The following ZNF208 variants were observed in gnomAD, a reference collection of about 807,000 sequenced individuals.
ZNF208 encodes zinc finger protein 208.
ZNF208 carries 10 observed loss-of-function variants against 12.1 expected under a neutral mutation model. The observed-to-expected ratio is 0.83, with a 90% CI of 0.51 to 1.40. ZNF208 has a LOEUF of 1.40. ZNF208 is among the 40% of genes most tolerant of loss of function. The probability of loss-of-function intolerance (pLI) is 0.00; values close to 1 mark genes in which losing one functional copy is unlikely to be tolerated. For missense variants in ZNF208, 1,652 were observed against 1,485.0 expected, an observed-to-expected ratio of 1.11 and a Z score of -1.85; for synonymous variants, 497 against 488.4, an observed-to-expected ratio of 1.02 and a Z score of -0.23.
rs1970246430 is a variant in ZNF208, at chr19:21,969,834, A to T, written c.*1357T>A. ...TGAAAGATCTAGTGACAGTGATTGCACTTTTAATACTTTTATTTAGTATGA... is the reference window on the plus strand; with the variant it reads ...TGAAAGATCTAGTGACAGTGATTGCTCTTTTAATACTTTTATTTAGTATGA... On this transcript the variant is annotated 3_prime_UTR_variant, in exon 4 of 4. Transcript: ENST00000397126. 6.6e-6 allele frequency among the ~76,000 whole-genome samples: 1 copy of T among 152,154 alleles called. No individual in the cohort carries two copies. The highest frequency in any genetic ancestry group is 1.5e-5 in the Non-Finnish European group (1 of 68,022).
chr19:21,980,231 T>C (rs2145558861), intron 3 of ZNF208, among the ~76,000 whole-genome samples: 1 of 152,230 alleles, frequency 6.6e-6, no homozygotes, highest in South Asian at 2.1e-4. Flanking sequence ...GCAAACCAAA[T>C]AGACATCTAC....
At chr19:21,942,196 A>G (rs924184594) in intron 4 of ZNF208, among the ~76,000 whole-genome samples, 7 of 152,168 alleles carry the variant, frequency 4.6e-5, no homozygotes, top group African/African-American at 1.4e-4. Flanking sequence ...ATAGACTTAA[A>G]TAATTTCTTG....
At position 22,010,910 on chromosome 19, in the gene ZNF208, G is replaced by C; in HGVS notation, c.-116C>G. On this transcript the variant is annotated 5_prime_UTR_variant, in exon 1 of 4. Transcript: ENST00000397126. Reference sequence around the variant, plus strand: ...AGAGGACACACAGCAGTAAGGACGAGACCTTGACCTCCGGCTGCAGCGAGA... The same window carrying C: ...AGAGGACACACAGCAGTAAGGACGACACCTTGACCTCCGGCTGCAGCGAGA... The C allele has an allele frequency of 6.8e-7, 1 of 1,464,854 alleles. No individual in the cohort carries two copies. Among genetic ancestry groups the C allele is most frequent in the East Asian group, 2.3e-5 (1 of 44,062 alleles). The allele number at this position is 1,464,854 out of a possible 1,614,324, so 90.7% of individuals were successfully genotyped here. A position where few individuals can be genotyped will look rare whatever the true frequency, so the allele number is the denominator to read the frequency against.
Position 21,974,086 on chromosome 19 carries a change from T to C in ZNF208, c.948A>G (p.Lys316=), listed in dbSNP as rs1469234360. 2 of 1,539,946 alleles carry C rather than the reference T, an allele frequency of 1.3e-6. No individual in the cohort carries two copies. Among genetic ancestry groups the C allele is most frequent in the Non-Finnish European group, 1.8e-6 (2 of 1,141,006 alleles). The part of the protein sequence containing the change: ...IHAGEKPYKC[K]ECGKAFSKVS... Reference sequence around the variant, plus strand: ...CCTTACTGAAGGCTTTGCCACATTCTTTACATTTGTAGGGCTTCTCTCCAG... The same window carrying C: ...CCTTACTGAAGGCTTTGCCACATTCCTTACATTTGTAGGGCTTCTCTCCAG... The change falls in exon 4 of 4, where the codon AAA becomes AAG. Residue 316 remains lysine, a synonymous_variant. Transcript: ENST00000397126.
At chr19:21,976,139 T>C (rs1171116507) in intron 3 of ZNF208, among the ~76,000 whole-genome samples, 15 of 152,294 alleles carry the variant, frequency 9.8e-5, no homozygotes, top group Admixed American at 9.2e-4. Flanking sequence ...TTCTCTAACA[T>C]TTAAGAGATA....
intron 1 of ZNF208, chr19:21,998,683 C>G (rs2078235): frequency 9.2e-5 from 14 of 151,922 alleles, no homozygotes; most frequent in Non-Finnish European, 1.5e-4. Flanking sequence ...TGATCCACCC[C>G]CCTTGGCCTC....
In ZNF208 at chr19:21,970,754, G is replaced by C. The variant is rs1354473657; in HGVS notation, c.*437C>G. 1.5e-6 allele frequency: 2 copies of C among 1,350,692 alleles called. No homozygotes were observed. Among genetic ancestry groups the C allele is most frequent in the Non-Finnish European group, 2.1e-6 (2 of 950,020 alleles). 83.7% of individuals were successfully genotyped at this position (1,350,692 alleles called of 1,614,324 possible). Reference sequence around the variant, plus strand: ...GGGTTGGGAACTGTTTAAAAGCTTTGCCAAATTCTTCACATTTTTAGAATT... The same window carrying C: ...GGGTTGGGAACTGTTTAAAAGCTTTCCCAAATTCTTCACATTTTTAGAATT... On this transcript the variant is annotated 3_prime_UTR_variant, in exon 4 of 4. Transcript: ENST00000397126.
chr19:21,940,281 A>G (rs1381584276), intron 4 of ZNF208: 1 of 152,204 alleles, frequency 6.6e-6, no homozygotes, highest in Non-Finnish European at 1.5e-5. Context: ...TGGTCAAGCT[A>G]TGCAAACCAA....
intron 3 of ZNF208, among the ~76,000 whole-genome samples, chr19:21,980,503 A>G (rs751140285): frequency 7.9e-5 from 12 of 152,124 alleles, no homozygotes; most frequent in Non-Finnish European, 1.8e-4. Context: ...CAGAAATAAA[A>G]AAGTTCTTTG....
intron 1 of ZNF208, among the ~76,000 whole-genome samples, chr19:21,989,162 G>A (rs1315036187): frequency 6.6e-6 from 1 of 150,870 alleles, no homozygotes; most frequent in Non-Finnish European, 1.5e-5. Flanking sequence ...ATGTATACAT[G>A]TGCCATCCTG....
intron 1 of ZNF208, among the ~76,000 whole-genome samples, chr19:22,010,317 A>G (rs140539213): frequency 1.6e-3 from 239 of 152,350 alleles, no homozygotes; most frequent in African/African-American, 5.4e-3. Flanking sequence ...ACCATTAACT[A>G]CAACCCATAG....
chr19:22,009,653 A>G (rs1971106197), intron 1 of ZNF208: 1 of 151,640 alleles, frequency 6.6e-6, no homozygotes, highest in South Asian at 2.1e-4. Flanking sequence ...AGTCTGAGGC[A>G]GGAGAATCAT....
Position 21,969,053 on chromosome 19 carries a change from G to A in ZNF208, c.*2138C>T, listed in dbSNP as rs137942945. ...CAAAAAATTAGCTGGGAGTGGCGGC[G>A]GGCGCCTGTAGTCCCAGCTAATTGG... is the stretch of plus-strand genomic sequence containing the variant. On this transcript the variant is annotated 3_prime_UTR_variant, in exon 4 of 4. Coordinates refer to ENST00000397126, the MANE Select transcript of ZNF208 (RefSeq NM_007153.3). Among the ~76,000 whole-genome samples the A allele has an allele frequency of 0.025, 3,835 of 152,132 alleles. 72 individuals carry two copies. Among genetic ancestry groups the A allele is most frequent in the Non-Finnish European group, 0.039 (2,658 of 67,986 alleles).
chr19:21,948,668 C>G (rs1367732358), intron 4 of ZNF208, among the ~76,000 whole-genome samples: 2 of 152,106 alleles, frequency 1.3e-5, no homozygotes, highest in African/African-American at 4.8e-5. Flanking sequence ...CTCTAATGAC[C>G]CTGATACATA....
intron 1 of ZNF208, among the ~76,000 whole-genome samples, chr19:22,006,368 T>TA (rs1346720177): frequency 1.3e-5 from 2 of 150,184 alleles, no homozygotes; most frequent in African/African-American, 2.4e-5. Context: ...TGGAATTCAA[T>TA]TTTTTTTTTA....
chr19:21,988,044 AG>A (rs778623178), intron 2 of ZNF208, among the ~76,000 whole-genome samples: 1 of 152,162 alleles, frequency 6.6e-6, no homozygotes, highest in Non-Finnish European at 1.5e-5. Flanking sequence ...CTAAATATTT[AG>A]AAAATTCTCT....
At chr19:21,989,203 CATTAGGT>C (rs1970682229) in intron 1 of ZNF208, among the ~76,000 whole-genome samples, 1 of 150,880 alleles carries the variant, frequency 6.6e-6, no homozygotes, top group Non-Finnish European at 1.5e-5. Context: ...CGTCATTTAG[CATTAGGT>C]ATATCTCCTA....
chr19:21,953,360 T>C (rs975239985), intron 4 of ZNF208, among the ~76,000 whole-genome samples: 1 of 151,774 alleles, frequency 6.6e-6, no homozygotes. Flanking sequence ...AGACACATAA[T>C]TGTCAGACTT....
intron 4 of ZNF208, among the ~76,000 whole-genome samples, chr19:21,958,177 C>CAA (rs34068762): frequency 0.19 from 28,606 of 149,038 alleles, 2,885 homozygotes; most frequent in Admixed American, 0.25. Flanking sequence ...TAGTTTCTAA[C>CAA]AAAAAAAAAA....
Sources: allele counts gnomAD v4.1 joint callset (sites outside exome capture counted in the v4.1 genomes callset), GRCh38; gene constraint gnomAD v4.1.1; transcripts MANE v1.5; gene names NCBI Gene and HGNC (gene_info 2026-07-23, HGNC 2026-07-21).